The following GTF2IRD2 variants were observed in gnomAD, a reference collection of about 807,000 sequenced individuals.
GTF2IRD2 encodes general transcription factor II-I repeat domain-containing protein 2A.
A neutral mutation model predicts 49.2 loss-of-function variants in GTF2IRD2; 8 were observed. The ratio of observed to expected loss-of-function variants is 0.16; its 90% confidence interval spans 0.10 to 0.29. The LOEUF is 0.29. GTF2IRD2 is among the 10% of genes least tolerant of loss of function. GTF2IRD2 has a pLI of 1.00. For missense variants in GTF2IRD2, 130 were observed against 725.7 expected (o/e 0.18, Z 9.43); for synonymous variants, 47 against 289.7 (o/e 0.16, Z 8.51).
chr7:74,842,591 C>T (rs1554422013), intron 1 of GTF2IRD2, among the ~76,000 whole-genome samples: 1 of 144,796 alleles, frequency 6.9e-6, no homozygotes, highest in East Asian at 2.0e-4. Flanking sequence ...CCCAGGCTGA[C>T]GTGCAGTGCC....
chr7:74,826,958 G>A (rs1266639174), intron 3 of GTF2IRD2, among the ~76,000 whole-genome samples: 10 of 151,180 alleles, frequency 6.6e-5, no homozygotes, highest in Non-Finnish European at 1.2e-4. Flanking sequence ...GTGATCCATC[G>A]CCTCGGCCTC....
chr7:74,839,591 C>G (rs1800604505), intron 1 of GTF2IRD2, among the ~76,000 whole-genome samples: 1 of 114,342 alleles, frequency 8.7e-6, no homozygotes. Flanking sequence ...CATTTTACAA[C>G]TTAGCAAGTT....
intron 1 of GTF2IRD2, among the ~76,000 whole-genome samples, chr7:74,841,239 C>T (rs1800804359): frequency 8.8e-6 from 1 of 113,642 alleles, no homozygotes; most frequent in Admixed American, 9.0e-5. Context: ...ATGATCTTGG[C>T]TCACTGCAAT....
At chr7:74,829,874 C>A (rs377107554) in intron 3 of GTF2IRD2, among the ~76,000 whole-genome samples, 4 of 130,800 alleles carry the variant, frequency 3.1e-5, no homozygotes, top group East Asian at 2.1e-4. Context: ...GGCGATAGAG[C>A]GAGATTCTGT....
At chr7:74,806,268 T>C (rs1486813334) in intron 12 of GTF2IRD2, among the ~76,000 whole-genome samples, 1 of 136,658 alleles carries the variant, frequency 7.3e-6, no homozygotes, top group Non-Finnish European at 1.6e-5. Context: ...TTTCCAGATA[T>C]ATTTTACATA....
rs1236247884 is a variant in GTF2IRD2 at position 74,796,421 on chromosome 7, G to A, written c.*241C>T. ...CTCTACTAATACAAAAATTAGCCAG[G>A]CATGGTGGCGCACGCCTGTAGTCCC... is the stretch of plus-strand genomic sequence containing the variant. On this transcript the variant is annotated 3_prime_UTR_variant, in exon 16 of 16. Transcript: ENST00000451013. The A allele has an allele frequency of 4.0e-6, 2 of 501,552 alleles. No individual in the cohort carries two copies. Among genetic ancestry groups the A allele is most frequent in the Non-Finnish European group, 7.2e-6 (2 of 276,278 alleles). The allele number at this position is 501,552 out of a possible 1,614,324, so 31.1% of individuals were successfully genotyped here. A position where few individuals can be genotyped will look rare whatever the true frequency, so the allele number is the denominator to read the frequency against.
Position 74,836,267 on chromosome 7 carries a change from C to T in GTF2IRD2, c.99+13G>A. Reference sequence around the variant, plus strand: ...CATCTATGGAATGTCAGACAAGTGTCAGGCTGTCTCACCATGGATTCGAGG... The same window carrying T: ...CATCTATGGAATGTCAGACAAGTGTTAGGCTGTCTCACCATGGATTCGAGG... On this transcript the variant is annotated intron_variant, in intron 2 of 15. Coordinates refer to ENST00000451013, the MANE Select transcript of GTF2IRD2 (RefSeq NM_173537.5). 6.2e-7 allele frequency: 1 copy of T among 1,609,460 alleles called. No homozygotes were observed. Among genetic ancestry groups the T allele is most frequent in the African/African-American group, 1.4e-5 (1 of 70,754 alleles).
chr7:74,825,631 C>A (rs1554419425), intron 3 of GTF2IRD2, among the ~76,000 whole-genome samples: 1 of 147,630 alleles, frequency 6.8e-6, no homozygotes, highest in Non-Finnish European at 1.5e-5. Context: ...ACCCCTGAAC[C>A]CATTCAAGAC....
intron 15 of GTF2IRD2, chr7:74,799,091 C>T (rs1174789202): frequency 7.8e-6 from 1 of 128,398 alleles, no homozygotes; most frequent in Non-Finnish European, 1.6e-5. Flanking sequence ...AGCGATCCAC[C>T]CGCCTTGGCC....
Position 74,822,917 on chromosome 7 carries a change from C to T in GTF2IRD2, c.359-110G>A, listed in dbSNP as rs1584394690. 22 of 1,311,022 alleles carry T rather than the reference C, an allele frequency of 1.7e-5. No homozygotes were observed. The East Asian group carries it at 5.3e-4, about 31-fold the overall frequency. 81.2% of individuals were successfully genotyped at this position (1,311,022 alleles called of 1,614,324 possible). A position where few individuals can be genotyped will look rare whatever the true frequency, so the allele number is the denominator to read the frequency against. On this transcript the variant is annotated intron_variant, in intron 4 of 15. Coordinates refer to ENST00000451013, the MANE Select transcript of GTF2IRD2 (RefSeq NM_173537.5). ...GTAGAAACAGAGTCTCGCTCTGCCA[C>T]CCAGGCTGGAGTGCAATGGCAAGAT...
chr7:74,796,390 C>T lies in GTF2IRD2; in HGVS notation c.*272G>A. 2.4e-6 allele frequency: 1 copy of T among 414,382 alleles called. No individual in the cohort carries two copies. The highest frequency in any genetic ancestry group is 4.5e-6 in the Non-Finnish European group (1 of 219,928). The allele number at this position is 414,382 out of a possible 1,614,324, so 25.7% of individuals were successfully genotyped here. A position where few individuals can be genotyped will look rare whatever the true frequency, so the allele number is the denominator to read the frequency against. On this transcript the variant is annotated 3_prime_UTR_variant, in exon 16 of 16. Transcript: ENST00000451013. ...GACCAGCCTGGCCAACATGGTGAAA[C>T]CTCATCTCTACTAATACAAAAATTA...
intron 2 of GTF2IRD2, among the ~76,000 whole-genome samples, chr7:74,835,061 C>T (rs373259753): frequency 0.01 from 1,438 of 142,844 alleles, 22 homozygotes; most frequent in Non-Finnish European, 0.013. Flanking sequence ...ACTGATTTTC[C>T]ATTTTTAATC....
rs587605573 is a variant in GTF2IRD2, at chr7:74,833,271, C to CA, written c.100-329_100-328insT. On this transcript the variant is annotated intron_variant, in intron 2 of 15. Coordinates refer to ENST00000451013, the MANE Select transcript of GTF2IRD2 (RefSeq NM_173537.5). ...TGTGTGTGTGTATTTTTAGTAGAGA[C>CA]GGGGTTTCACCGTGTTAGCCAGGAT... Among the ~76,000 whole-genome samples the CA allele has an allele frequency of 2.6e-3, 309 of 117,166 alleles. 14 individuals are homozygous for CA. Among genetic ancestry groups the CA allele is most frequent in the East Asian group, 0.024 (71 of 2,920 alleles). 76.9% of individuals were successfully genotyped at this position (117,166 alleles called of 152,430 possible).
At chr7:74,826,032 G>A (rs1214969590) in intron 3 of GTF2IRD2, among the ~76,000 whole-genome samples, 7 of 151,520 alleles carry the variant, frequency 4.6e-5, no homozygotes, top group Non-Finnish European at 8.8e-5. Flanking sequence ...TGATCCGCCT[G>A]CCTCGGCCTC....
chr7:74,841,063 G>A (rs1295473983), intron 1 of GTF2IRD2, among the ~76,000 whole-genome samples: 7 of 133,766 alleles, frequency 5.2e-5, no homozygotes, highest in East Asian at 4.3e-4. Context: ...TGGCCAGGCC[G>A]GTCTTGAACT....
chr7:74,811,130 A>T (rs1798113144), intron 9 of GTF2IRD2, among the ~76,000 whole-genome samples, 178 bp from the exon 10 acceptor site: 1 of 112,006 alleles, frequency 8.9e-6, no homozygotes, highest in African/African-American at 2.6e-5. Flanking sequence ...GCACTCTGGG[A>T]GGTGGAGGCG....
chr7:74,836,891 T>C (rs1354203210), intron 1 of GTF2IRD2, among the ~76,000 whole-genome samples: 1 of 135,154 alleles, frequency 7.4e-6, no homozygotes, highest in Non-Finnish European at 1.6e-5. Flanking sequence ...CTTTCTTTCT[T>C]TTTTTTTTGA....
chr7:74,829,608 G>A (rs1554420144), intron 3 of GTF2IRD2, among the ~76,000 whole-genome samples: 2 of 149,030 alleles, frequency 1.3e-5, no homozygotes, highest in East Asian at 2.0e-4. Flanking sequence ...GGGGCTGGGC[G>A]CGGTGGCTCA....
chr7:74,815,863 A>AAAGG (rs1798499300), intron 8 of GTF2IRD2, among the ~76,000 whole-genome samples: 1 of 106,416 alleles, frequency 9.4e-6, no homozygotes, highest in Non-Finnish European at 2.0e-5. Flanking sequence ...AGAAAGAAAG[A>AAAGG]AAGAGAAAAT....
Sources: gnomAD v4.1 joint callset for allele counts (sites outside exome capture counted in the v4.1 genomes callset) on GRCh38, gnomAD v4.1.1 for gene constraint, MANE v1.5 for transcripts, NCBI Gene and HGNC (gene_info 2026-07-23, HGNC 2026-07-21) for gene names.